PUM3: variants seen among roughly 807,000 people sequenced by gnomAD.
PUM3 encodes pumilio RNA binding family member 3.
In PUM3, 91 loss-of-function variants were observed where a neutral mutation model predicts 84.0. The ratio of observed to expected loss-of-function variants is 1.08; its 90% confidence interval spans 0.91 to 1.29. The LOEUF is 1.29. Among genes scored for constraint, PUM3 ranks in the 50% most tolerant of loss-of-function variants. PUM3 has a pLI of 0.00. For missense variants in PUM3, 1,067 were observed against 767.5 expected, an observed-to-expected ratio of 1.39 and a Z score of -4.61; for synonymous variants, 321 against 266.7, an observed-to-expected ratio of 1.20 and a Z score of -1.98.
intron 12 of PUM3, among the ~76,000 whole-genome samples, chr9:2,820,942 T>C (rs1372998170): frequency 6.6e-6 from 1 of 152,164 alleles, no homozygotes; most frequent in African/African-American, 2.4e-5. Flanking sequence ...GTGGCATGAG[T>C]ATCCTGGATG....
At chr9:2,836,089 C>T (rs1168484468) in intron 3 of PUM3, among the ~76,000 whole-genome samples, 1 of 152,076 alleles carries the variant, frequency 6.6e-6, no homozygotes, top group Non-Finnish European at 1.5e-5. Context: ...AAGACTGGAG[C>T]ATGAAAAGAT....
At chr9:2,835,710 C>G (rs941566518) in intron 3 of PUM3, among the ~76,000 whole-genome samples, 1 of 152,160 alleles carries the variant, frequency 6.6e-6, no homozygotes, top group Non-Finnish European at 1.5e-5. Flanking sequence ...GTACCCTTGA[C>G]ATATGTCATG....
At chr9:2,843,340 G>C (rs923342678) in intron 1 of PUM3, among the ~76,000 whole-genome samples, 19 of 152,008 alleles carry the variant, frequency 1.2e-4, no homozygotes, top group African/African-American at 4.4e-4. Flanking sequence ...TCCGTTTAAA[G>C]ATCACTTCTT....
chr9:2,820,861 A>G (rs1221247985), intron 12 of PUM3, among the ~76,000 whole-genome samples: 1 of 152,188 alleles, frequency 6.6e-6, no homozygotes, highest in Non-Finnish European at 1.5e-5. Flanking sequence ...TACTGTTCCA[A>G]ACATTTAAAG....
intron 8 of PUM3, 23 bp downstream of exon 8, chr9:2,829,751 A>C (rs959147100): frequency 5.7e-6 from 9 of 1,588,088 alleles, no homozygotes; most frequent in Non-Finnish European, 7.7e-6. Context: ...AAAATACTAG[A>C]AAAAGACTTC....
At chr9:2,832,442 A>G (rs1195494439) in intron 5 of PUM3, among the ~76,000 whole-genome samples, 1 of 152,196 alleles carries the variant, frequency 6.6e-6, no homozygotes, top group Non-Finnish European at 1.5e-5. Context: ...AAACGACACA[A>G]TGCATGTGCT....
At position 2,829,855 on chromosome 9, in the gene PUM3, G is replaced by A. The variant is rs139189443; in HGVS notation, c.771C>T (p.Tyr257=). 1.7e-5 allele frequency: 28 copies of A among 1,613,888 alleles called. No individual in the cohort carries two copies. Among genetic ancestry groups the A allele is most frequent in the South Asian group, 5.5e-5 (5 of 91,062 alleles). ...RHAEASAIVE[Y]AYNDKAILEQ... Reference sequence around the variant, plus strand: ...CCAAAATGGCTTTGTCATTGTATGCGTACTCCACGATGGCTGATGCTTCCG... The same window carrying A: ...CCAAAATGGCTTTGTCATTGTATGCATACTCCACGATGGCTGATGCTTCCG... The change falls in exon 8 of 18, where the codon TAC becomes TAT. Residue 257 remains tyrosine, a synonymous_variant. Transcript: ENST00000397885.
intron 3 of PUM3, 77 bp downstream of exon 3, chr9:2,837,103 G>A: frequency 1.6e-6 from 2 of 1,223,194 alleles, no homozygotes; most frequent in East Asian, 2.3e-5. Flanking sequence ...AAGAATGTGA[G>A]GTTTCTAACG....
chr9:2,827,271 ATT>A, intron 9 of PUM3, 120 bp from the exon 10 acceptor site: 2 of 643,568 alleles, frequency 3.1e-6, no homozygotes, highest in Non-Finnish European at 5.2e-6. Context: ...ACTGAATACA[ATT>A]TGTCATAAAA....
chr9:2,822,456 G>A (rs1248123264), intron 12 of PUM3, among the ~76,000 whole-genome samples: 3 of 151,850 alleles, frequency 2.0e-5, no homozygotes, highest in Admixed American at 6.6e-5. Flanking sequence ...CATGGGTAAC[G>A]TTAGCTTATC....
intron 9 of PUM3, chr9:2,828,378 CTG>C (rs1414658305): frequency 4.0e-6 from 1 of 247,534 alleles, no homozygotes; most frequent in Non-Finnish European, 7.7e-6. Flanking sequence ...ATTTGTGAAA[CTG>C]TTTAGTATAC....
At chr9:2,830,100 A>G (rs1563833155) in intron 7 of PUM3, 152 bp from the exon 8 acceptor site, 3 of 590,416 alleles carry the variant, frequency 5.1e-6, no homozygotes, top group South Asian at 2.6e-5. Flanking sequence ...TGTGGCCAGC[A>G]CATAGTAAAT....
In PUM3 at chr9:2,811,457, G is replaced by A. The variant is rs1164437860; in HGVS notation, c.1539C>T (p.Asp513=). The change falls in exon 15 of 18, where the codon GAC becomes GAT. Residue 513 remains aspartate (D), a synonymous_variant. Transcript: ENST00000397885. ...CGTCTCCAGTGGCAGATCCCAGAAT[G>A]TCAGACACCAACACACACGCAGACT... ...LDKSACVLVS[D]ILGSATGDVQ... is the part of the protein sequence containing the mutation. 6.2e-7 allele frequency: 1 copy of A among 1,614,162 alleles called. No individual in the cohort carries two copies. The highest frequency in any genetic ancestry group is 1.1e-5 in the South Asian group (1 of 91,082).
intron 1 of PUM3, 81 bp from the exon 2 acceptor site, chr9:2,838,598 A>G: frequency 1.2e-6 from 1 of 820,412 alleles, no homozygotes; most frequent in East Asian, 2.5e-5. Context: ...TCATTGCCAC[A>G]TTTAGTCCTT....
chr9:2,834,192 A>G (rs1465540367), intron 3 of PUM3, 26 bp from the exon 4 acceptor site: 2 of 1,596,428 alleles, frequency 1.3e-6, no homozygotes, highest in Non-Finnish European at 1.7e-6. Context: ...ATTATTTTCA[A>G]TTACATTTAA....
At chr9:2,823,684 C>G in intron 12 of PUM3, 97 bp downstream of exon 12, 1 of 522,766 alleles carries the variant, frequency 1.9e-6, no homozygotes. Context: ...TAATTTTCTG[C>G]TTGGTAATTT....
At position 2,824,718 on chromosome 9, in the gene PUM3, T is replaced by A; in HGVS notation, c.1133A>T (p.Lys378Met). 6.5e-7 allele frequency: 1 copy of A among 1,538,262 alleles called. No homozygotes were observed. The highest frequency in any genetic ancestry group is 1.4e-5 in the African/African-American group (1 of 73,514). ...AMHCLWHGTP[K>M]DRKVIVKTMK... ...ATGCCCAAGTGCTGTCACACTTACCTTGGGCGTGCCATGCCACAGGCAGTG... is the reference window on the plus strand; with the variant it reads ...ATGCCCAAGTGCTGTCACACTTACCATGGGCGTGCCATGCCACAGGCAGTG... The change falls in exon 11 of 18, where the codon AAG becomes ATG. Residue 378 changes from lysine to methionine, a missense_variant and splice_region_variant. By Grantham distance (95) the Lys-to-Met change is moderately conservative (BLOSUM62 -1). Transcript: ENST00000397885.
rs200312927 is a variant in PUM3 at position 2,828,686 on chromosome 9, T to G, written c.945A>C (p.Pro315=). The change falls in exon 9 of 18, where the codon CCA becomes CCC. Residue 315 remains proline, a synonymous_variant. Transcript: ENST00000397885. ...AACAACTTTCTTACTTTTGGGCCATTGGAGTTAGAATCTGTTTCATTTCAT... is the reference window on the plus strand; with the variant it reads ...AACAACTTTCTTACTTTTGGGCCATGGGAGTTAGAATCTGTTTCATTTCAT... ...IMDEMKQILT[P]MAQKEAVIKH... 4.5e-5 allele frequency: 71 copies of G among 1,583,248 alleles called. 1 individual carries two copies. The East Asian group carries it at 1.6e-3, about 35-fold the overall frequency.
chr9:2,835,966 G>C (rs982113248), intron 3 of PUM3, among the ~76,000 whole-genome samples: 1 of 152,130 alleles, frequency 6.6e-6, no homozygotes, highest in Non-Finnish European at 1.5e-5. Context: ...AAAGATTTGG[G>C]ATCTAGTAGA....
Sources: allele counts gnomAD v4.1 joint callset (sites outside exome capture counted in the v4.1 genomes callset), GRCh38; gene constraint gnomAD v4.1.1; transcripts MANE v1.5; gene names NCBI Gene and HGNC (gene_info 2026-07-23, HGNC 2026-07-21).